The following LCOR variants were observed in gnomAD, a reference collection of about 807,000 sequenced individuals.
The protein encoded by LCOR is ligand-dependent corepressor.
In LCOR, 14 loss-of-function variants were observed where a neutral mutation model predicts 64.4. The ratio of observed to expected loss-of-function variants is 0.22; its 90% CI spans 0.14 to 0.34. The LOEUF (loss-of-function observed/expected upper bound fraction) is 0.34, where lower values mean the gene tolerates loss of function less well. Among genes scored for constraint, LCOR ranks in the 10% least tolerant of loss-of-function variants. The probability of loss-of-function intolerance (pLI) is 1.00; values close to 1 mark genes in which losing one functional copy is unlikely to be tolerated. For synonymous variants in LCOR, 643 were observed against 642.5 expected (o/e 1.00, Z -0.01); for missense variants, 1,686 against 1,765.3 (o/e 0.96, Z 0.80).
chr10:96,984,278 G>A lies in LCOR; in HGVS notation c.3818G>A (p.Gly1273Asp), dbSNP rs760830884. Residue 1273 changes from glycine to aspartate, a missense_variant, in exon 8 of 8, where the codon GGC becomes GAC. Around this residue, in one of 3 missense-constraint regions of LCOR, gnomAD observed 1,293 missense variants for 1,410.4 expected, o/e 0.92. Coordinates refer to ENST00000421806, the MANE Select transcript of LCOR (RefSeq NM_001346516.2). The stretch of plus-strand genomic sequence containing the variant: ...CCTGATCAAGTGGAGCCAGAAGATG[G>A]CAGTGATGTCAGCCCCGGCCCTAAT... ...ENPDQVEPED[G>D]SDVSPGPNSE... 6.2e-7 allele frequency: 1 copy of A among 1,614,162 alleles called. No individual in the cohort carries two copies. The highest frequency in any genetic ancestry group is 1.7e-5 in the Admixed American group (1 of 60,030).
At chr10:96,929,594 T>C (rs1407310754) in intron 4 of LCOR, among the ~76,000 whole-genome samples, 1 of 152,212 alleles carries the variant, frequency 6.6e-6, no homozygotes, top group African/African-American at 2.4e-5. Flanking sequence ...AATAAAGCTG[T>C]TTTACTTTGT....
In LCOR at chr10:96,984,531, C is replaced by G; in HGVS notation, c.4071C>G (p.Pro1357=). The G allele has an allele frequency of 6.2e-7, 1 of 1,614,194 alleles. No individual in the cohort carries two copies. Among genetic ancestry groups the G allele is most frequent in the East Asian group, 2.2e-5 (1 of 44,890 alleles). Residue 1357 remains proline, a synonymous_variant, in exon 8 of 8, where the codon CCC becomes CCG. Coordinates refer to ENST00000421806, the MANE Select transcript of LCOR (RefSeq NM_001346516.2). ...KSVCINPLMS[P]KLALQVDADG... is the part of the protein sequence containing the mutation. ...TATGCATCAACCCTCTGATGTCCCC[C>G]AAGCTTGCCCTGCAAGTGGATGCAG... is the stretch of plus-strand genomic sequence containing the variant.
chr10:96,853,290 T>G (rs780145686), intron 2 of LCOR, among the ~76,000 whole-genome samples: 5 of 152,156 alleles, frequency 3.3e-5, no homozygotes, highest in Non-Finnish European at 7.4e-5. Context: ...TCAAGTGATC[T>G]GCCCGCCTCA....
chr10:96,935,527 A>C (rs1847335761), intron 4 of LCOR, among the ~76,000 whole-genome samples: 1 of 151,998 alleles, frequency 6.6e-6, no homozygotes, highest in African/African-American at 2.4e-5. Flanking sequence ...TTTTATTGGA[A>C]GGGTTGACTT....
Position 96,989,399 on chromosome 10 carries a change from G to A in LCOR, c.*4265G>A, listed in dbSNP as rs995860391. On this transcript the variant is annotated 3_prime_UTR_variant, in exon 8 of 8. Coordinates refer to ENST00000421806, the MANE Select transcript of LCOR (RefSeq NM_001346516.2). Reference sequence around the variant, plus strand: ...ACTTTAGTTGGACTTTTAGTCCTCTGAATGTCACATTTAGATATGGAAAAT... The same window carrying A: ...ACTTTAGTTGGACTTTTAGTCCTCTAAATGTCACATTTAGATATGGAAAAT... 11 of 152,234 alleles carry A rather than the reference G, an allele frequency of 7.2e-5. No individual in the cohort carries two copies. The highest frequency in any genetic ancestry group is 1.3e-4 in the Non-Finnish European group (9 of 68,034). The allele number at this position is 152,234 out of a possible 1,614,324, so 9.4% of individuals were successfully genotyped here.
intron 4 of LCOR, among the ~76,000 whole-genome samples, chr10:96,910,374 T>A (rs2134456225): frequency 6.6e-6 from 1 of 152,378 alleles, no homozygotes; most frequent in Admixed American, 6.5e-5. Context: ...CTCCGTTAGA[T>A]ACTATATCCT....
At chr10:96,973,153 C>G (rs922823370) in intron 7 of LCOR, among the ~76,000 whole-genome samples, 1 of 152,112 alleles carries the variant, frequency 6.6e-6, no homozygotes, top group Non-Finnish European at 1.5e-5. Flanking sequence ...TTTCAACCAC[C>G]TGGAAATCAC....
chr10:96,881,747 A>G (rs967889158), intron 2 of LCOR, among the ~76,000 whole-genome samples: 4 of 152,158 alleles, frequency 2.6e-5, no homozygotes, highest in African/African-American at 9.7e-5. Flanking sequence ...GTGAGCCACC[A>G]TGCCCAGCCA....
chr10:96,910,169 A>G (rs756341710), intron 4 of LCOR, among the ~76,000 whole-genome samples: 1 of 152,198 alleles, frequency 6.6e-6, no homozygotes. Flanking sequence ...AGTAGCTAGG[A>G]CTACAGGTAC....
chr10:96,941,333 G>C (rs1847468963), intron 4 of LCOR, among the ~76,000 whole-genome samples: 1 of 138,822 alleles, frequency 7.2e-6, no homozygotes, highest in Admixed American at 6.9e-5. Flanking sequence ...GCCGGGCAGA[G>C]GAGTCCTCAC....
chr10:96,935,028 A>G (rs1054841907), intron 4 of LCOR, among the ~76,000 whole-genome samples: 4 of 151,432 alleles, frequency 2.6e-5, no homozygotes, highest in Admixed American at 2.0e-4. Context: ...AAGATTTTGC[A>G]TCTTTTTGTT....
Position 96,955,563 on chromosome 10 carries a change from G to C in LCOR, c.332+3367G>C, listed in dbSNP as rs777112991. The C allele has an allele frequency of 1.9e-6, 3 of 1,614,202 alleles. No individual in the cohort carries two copies. The South Asian group carries it at 3.3e-5, about 18-fold the overall frequency. ...TGCTGGACCCGATTCTTGGGGCTCA[G>C]ATGCTGAGCAGTCTACCTCTGGACA... On this transcript the variant is annotated intron_variant, in intron 7 of 7. Coordinates refer to ENST00000421806, the MANE Select transcript of LCOR (RefSeq NM_001346516.2).
At chr10:96,938,221 A>G (rs1448873470) in intron 4 of LCOR, among the ~76,000 whole-genome samples, 3 of 151,718 alleles carry the variant, frequency 2.0e-5, no homozygotes, top group Non-Finnish European at 4.4e-5. Flanking sequence ...AGCTGGAATT[A>G]CAGGCATGAG....
chr10:96,849,849 T>A (rs989266963), intron 2 of LCOR, among the ~76,000 whole-genome samples: 5 of 150,132 alleles, frequency 3.3e-5, no homozygotes, highest in African/African-American at 4.9e-5. Context: ...GACCTCTGTG[T>A]GTCACTCACT....
intron 2 of LCOR, among the ~76,000 whole-genome samples, chr10:96,891,233 A>G (rs924448017): frequency 1.3e-4 from 20 of 151,744 alleles, no homozygotes; most frequent in Non-Finnish European, 2.8e-4. Context: ...TAGTTGAGTC[A>G]GTTTTGGTAG....
rs1847961124 is a variant in LCOR, at chr10:96,967,391, CAA to C, written c.333-13400_333-13399del. Among the ~76,000 whole-genome samples the C allele has an allele frequency of 2.6e-5, 4 of 152,144 alleles. 1 individual carries two copies. In the South Asian group the frequency reaches 6.2e-4, roughly 24 times the overall value. ...AAGTGATCCGCCTACCTTGGCCTCC[CAA>C]AGTGCTGGGATTACAAGTATGAGCC... On this transcript the variant is annotated intron_variant, in intron 7 of 7. Coordinates refer to ENST00000421806, the MANE Select transcript of LCOR (RefSeq NM_001346516.2).
At chr10:96,868,859 A>G in intron 2 of LCOR, among the ~76,000 whole-genome samples, 1 of 152,182 alleles carries the variant, frequency 6.6e-6, no homozygotes, top group East Asian at 1.9e-4. Context: ...AATCTGACAC[A>G]CAGTGGGTGT....
chr10:96,871,972 C>T (rs1443519998), intron 2 of LCOR, among the ~76,000 whole-genome samples: 1 of 152,138 alleles, frequency 6.6e-6, no homozygotes, highest in Non-Finnish European at 1.5e-5. Context: ...TCATCTTCTC[C>T]CCAGGAAGTT....
intron 7 of LCOR, chr10:96,956,889 G>T (rs1847792814): frequency 2.0e-6 from 2 of 984,662 alleles, no homozygotes; most frequent in African/African-American, 1.7e-5. Context: ...AGATATTCAA[G>T]ATCTCTTTAT....
Sources: allele counts gnomAD v4.1 joint callset (sites outside exome capture counted in the v4.1 genomes callset), GRCh38; gene constraint gnomAD v4.1.1; regional missense constraint gnomAD v4.1.1; transcripts MANE v1.5; gene names NCBI Gene and HGNC (gene_info 2026-07-23, HGNC 2026-07-21).